Variants in PLSCR2 observed in about 807,000 individuals in gnomAD.
PLSCR2 encodes PL scramblase 2.
In PLSCR2, 18 loss-of-function variants were observed where a neutral mutation model predicts 25.3. That is an observed-to-expected ratio of 0.71 (90% CI 0.49 to 1.06). The LOEUF is 1.06. Ranked by LOEUF, PLSCR2 falls within the 50% of genes least tolerant of loss-of-function variation. PLSCR2 has a pLI of 0.00. For synonymous variants in PLSCR2, 88 were observed against 87.3 expected (o/e 1.01, Z -0.04); for missense variants, 243 against 269.5 (o/e 0.90, Z 0.69).
In PLSCR2 at chr3:146,470,981, C is replaced by T. The variant is rs1218954814; in HGVS notation, c.-292-10697G>A. On this transcript the variant is annotated intron_variant, in intron 1 of 8. Transcript: ENST00000336685. Reference sequence around the variant, plus strand: ...AGAATGATGTTTGCCATAGAGTAAGCGCTCAGTAAATGTTATATACATACA... The same window carrying T: ...AGAATGATGTTTGCCATAGAGTAAGTGCTCAGTAAATGTTATATACATACA... Among the ~76,000 whole-genome samples, 5 of 151,816 alleles carry T rather than the reference C, an allele frequency of 3.3e-5. No homozygotes were observed. In the East Asian group the frequency reaches 5.8e-4, roughly 18 times the overall value.
intron 1 of PLSCR2, among the ~76,000 whole-genome samples, chr3:146,491,496 G>T (rs1436649797): frequency 6.6e-6 from 1 of 151,948 alleles, no homozygotes; most frequent in Non-Finnish European, 1.5e-5. Flanking sequence ...ATGCCAATGA[G>T]TCATAAGCTT....
intron 1 of PLSCR2, among the ~76,000 whole-genome samples, chr3:146,479,736 C>G (rs148151696): frequency 0.028 from 4,229 of 152,238 alleles, 222 homozygotes; most frequent in African/African-American, 0.096. Context: ...CCAAGCAGAT[C>G]TAATAGACAT....
chr3:146,447,032 T>A (rs78257059), intron 6 of PLSCR2, among the ~76,000 whole-genome samples: 16 of 152,338 alleles, frequency 1.1e-4, no homozygotes, highest in Non-Finnish European at 1.6e-4. Flanking sequence ...AAGGCCCAAG[T>A]GCTCTTCGGT....
intron 1 of PLSCR2, among the ~76,000 whole-genome samples, chr3:146,478,949 T>A (rs973818457): frequency 6.6e-6 from 1 of 152,158 alleles, no homozygotes; most frequent in African/African-American, 2.4e-5. Context: ...TCAACATTCT[T>A]AAAGTAAAGA....
intron 2 of PLSCR2, among the ~76,000 whole-genome samples, chr3:146,406,423 G>A (rs534876291): frequency 1.3e-5 from 2 of 152,064 alleles, no homozygotes; most frequent in African/African-American, 2.4e-5. Context: ...TTGTGGGTAC[G>A]GGCTGGCTCT....
At chr3:146,464,973 A>G (rs566588858), upstream of PLSCR2, among the ~76,000 whole-genome samples, 13 of 152,314 alleles carry the variant, frequency 8.5e-5, no homozygotes, top group East Asian at 2.5e-3. Flanking sequence ...AGATCAAATC[A>G]AAATGGAGTA....
At chr3:146,431,052 G>C (rs557898195), downstream of PLSCR2, among the ~76,000 whole-genome samples, 188 of 152,208 alleles carry the variant, frequency 1.2e-3, no homozygotes, top group African/African-American at 4.3e-3. Context: ...GGCCCTCATG[G>C]AGCAGGAAAA....
intron 6 of PLSCR2, among the ~76,000 whole-genome samples, chr3:146,448,089 T>C (rs975245253): frequency 3.3e-5 from 5 of 152,182 alleles, no homozygotes; most frequent in African/African-American, 1.2e-4. Flanking sequence ...GATTCAAGAC[T>C]GTCTTTCCTA....
rs1186980145 is a variant in PLSCR2 at position 146,483,453 on chromosome 3, G to GTATATATA, written c.-293+12434_-293+12441dup. Among the ~76,000 whole-genome samples, 118 of 32,636 alleles carry GTATATATA rather than the reference G, an allele frequency of 3.6e-3. 1 individual carries two copies. The highest frequency in any genetic ancestry group is 0.023 in the Middle Eastern group (1 of 44). 21.4% of individuals were successfully genotyped at this position (32,636 alleles called of 152,430 possible). A position where few individuals can be genotyped will look rare whatever the true frequency, so the allele number is the denominator to read the frequency against. On this transcript the variant is annotated intron_variant, in intron 1 of 8. Coordinates refer to the PLSCR2 transcript ENST00000336685. The stretch of plus-strand genomic sequence containing the variant: ...AATATATATATATATACACATGTAT[G>GTATATATA]TATATATATATATATATATACATGT...
chr3:146,413,556 C>T (rs1272343447), intron 2 of PLSCR2, among the ~76,000 whole-genome samples: 4 of 152,290 alleles, frequency 2.6e-5, no homozygotes, highest in African/African-American at 9.6e-5. Flanking sequence ...TTCCCTAAAG[C>T]TCAAGGGCAT....
chr3:146,433,999 C>A (rs2039667646), intron 8 of PLSCR2, among the ~76,000 whole-genome samples: 1 of 152,054 alleles, frequency 6.6e-6, no homozygotes, highest in South Asian at 2.1e-4. Context: ...GGTTGGCTGT[C>A]CCCTCTCTCA....
At chr3:146,460,912 C>T (rs563129091), upstream of PLSCR2, among the ~76,000 whole-genome samples, 21 of 152,064 alleles carry the variant, frequency 1.4e-4, no homozygotes, top group South Asian at 3.3e-3. Context: ...TATGATATTG[C>T]GGTTACAAAA....
chr3:146,493,783 GTTTTTTTTTTTT>G (rs34986699), intron 1 of PLSCR2, among the ~76,000 whole-genome samples: 3 of 54,786 alleles, frequency 5.5e-5, no homozygotes, highest in South Asian at 1.9e-3. Context: ...CCAAGGTGGC[GTTTTTTTTTTTT>G]TTTTTTTTTT....
chr3:146,468,185 T>C (rs183881255), intron 1 of PLSCR2, among the ~76,000 whole-genome samples: 1 of 152,344 alleles, frequency 6.6e-6, no homozygotes, highest in East Asian at 1.9e-4. Context: ...TTTACACTTG[T>C]CTATCCAACT....
chr3:146,409,263 G>A (rs1170860669), intron 2 of PLSCR2, among the ~76,000 whole-genome samples: 3 of 152,118 alleles, frequency 2.0e-5, no homozygotes, highest in South Asian at 2.1e-4. Flanking sequence ...AATGGGTGGC[G>A]AGCCCACAGG....
downstream of PLSCR2, among the ~76,000 whole-genome samples, chr3:146,429,471 C>T (rs1368493047): frequency 6.6e-6 from 1 of 151,972 alleles, no homozygotes; most frequent in Non-Finnish European, 1.5e-5. Context: ...GTGTCCATGA[C>T]CCTGGACTTT....
chr3:146,418,752 C>T (rs1333387315), intron 2 of PLSCR2, among the ~76,000 whole-genome samples: 1 of 152,224 alleles, frequency 6.6e-6, no homozygotes, highest in African/African-American at 2.4e-5. Flanking sequence ...TGTTATTAGG[C>T]AGTTTTCATT....
At chr3:146,479,849 C>A (rs894779761) in intron 1 of PLSCR2, among the ~76,000 whole-genome samples, 1 of 152,176 alleles carries the variant, frequency 6.6e-6, no homozygotes, top group African/African-American at 2.4e-5. Context: ...AAGCACTCCT[C>A]TGCAAATGTA....
chr3:146,491,832 T>A (rs1323026286), intron 1 of PLSCR2, among the ~76,000 whole-genome samples: 1 of 152,190 alleles, frequency 6.6e-6, no homozygotes, highest in Non-Finnish European at 1.5e-5. Context: ...GAATTCTATG[T>A]CTGTCACTTC....
Sources: gnomAD v4.1 joint callset for allele counts (sites outside exome capture counted in the v4.1 genomes callset) on GRCh38, gnomAD v4.1.1 for gene constraint, MANE v1.5 for transcripts, NCBI Gene and HGNC (gene_info 2026-07-23, HGNC 2026-07-21) for gene names.